NELL2: variants seen among roughly 807,000 people sequenced by gnomAD.
NELL2 encodes protein kinase C-binding protein NELL2.
Under a neutral mutation model 109.6 loss-of-function variants are expected in NELL2, and 41 were observed. That is an observed-to-expected ratio of 0.37 (90% CI 0.29 to 0.49). NELL2 has a LOEUF of 0.49. Among genes scored for constraint, NELL2 ranks in the 20% least tolerant of loss-of-function variants. The pLI, the probability that NELL2 is intolerant of heterozygous loss-of-function variation, is 0.98. For missense variants in NELL2, 900 were observed against 1,008.3 expected (o/e 0.89, Z 1.45); for synonymous variants, 355 against 344.7 (o/e 1.03, Z -0.33).
intron 9 of NELL2, among the ~76,000 whole-genome samples, chr12:44,726,493 C>T (rs1021206998): frequency 2.0e-5 from 3 of 152,100 alleles, no homozygotes; most frequent in Non-Finnish European, 2.9e-5. Context: ...GTTAATTAAC[C>T]CTCAGAACCA....
At chr12:44,649,297 AC>A (rs1231013146) in intron 13 of NELL2, among the ~76,000 whole-genome samples, 1 of 151,678 alleles carries the variant, frequency 6.6e-6, no homozygotes, top group Non-Finnish European at 1.5e-5. Flanking sequence ...TGTTTTGGAA[AC>A]ATCACCCACT....
At chr12:44,784,863 G>C (rs1402516649) in intron 3 of NELL2, among the ~76,000 whole-genome samples, 1 of 152,104 alleles carries the variant, frequency 6.6e-6, no homozygotes, top group Non-Finnish European at 1.5e-5. Context: ...AATAAACTAG[G>C]TATGGATGGA....
At chr12:44,791,809 A>G (rs1942444703) in intron 3 of NELL2, among the ~76,000 whole-genome samples, 1 of 152,122 alleles carries the variant, frequency 6.6e-6, no homozygotes, top group Non-Finnish European at 1.5e-5. Context: ...CCTAATGAAC[A>G]TTCAAGAGGA....
intron 12 of NELL2, among the ~76,000 whole-genome samples, chr12:44,702,474 A>T (rs1949259231): frequency 6.6e-6 from 1 of 152,218 alleles, no homozygotes; most frequent in South Asian, 2.1e-4. Context: ...AATTCAAAAC[A>T]AAGTATCACA....
intron 3 of NELL2, among the ~76,000 whole-genome samples, chr12:44,812,892 G>A (rs910421008): frequency 2.0e-5 from 3 of 152,146 alleles, no homozygotes; most frequent in African/African-American, 4.8e-5. Context: ...AGGTTCAGCA[G>A]GTGGGCTCTA....
intron 15 of NELL2, among the ~76,000 whole-genome samples, chr12:44,567,831 T>C (rs2136191336): frequency 6.6e-6 from 1 of 152,282 alleles, no homozygotes; most frequent in East Asian, 1.9e-4. Flanking sequence ...AATAATCTTG[T>C]ACATATTCCT....
At chr12:44,835,096 C>CA (rs960611438) in intron 2 of NELL2, among the ~76,000 whole-genome samples, 2 of 152,170 alleles carry the variant, frequency 1.3e-5, no homozygotes, top group Admixed American at 1.3e-4. Flanking sequence ...CCCATGGTAT[C>CA]AAAGCTGCTG....
At chr12:44,732,478 C>T (rs1015699813) in intron 9 of NELL2, among the ~76,000 whole-genome samples, 2 of 151,946 alleles carry the variant, frequency 1.3e-5, no homozygotes, top group African/African-American at 2.4e-5. Flanking sequence ...CTTCAACAAG[C>T]TGTGTTGGGA....
chr12:44,881,299 A>G (rs73281095), upstream of NELL2, among the ~76,000 whole-genome samples: 680 of 152,118 alleles, frequency 4.5e-3, 11 homozygotes, highest in African/African-American at 0.015. Context: ...ACCAATGCCA[A>G]GATGACACAG....
chr12:44,806,981 T>C (rs533416481), intron 3 of NELL2, among the ~76,000 whole-genome samples: 20 of 151,708 alleles, frequency 1.3e-4, no homozygotes, highest in Middle Eastern at 3.4e-3. Flanking sequence ...TACACTAAAA[T>C]AAGTTATAGA....
intron 15 of NELL2, among the ~76,000 whole-genome samples, chr12:44,546,957 T>A (rs1942819986): frequency 1.3e-5 from 2 of 152,216 alleles, no homozygotes; most frequent in South Asian, 4.1e-4. Context: ...ATTTTGTCTA[T>A]CTTTTGCATC....
intron 16 of NELL2, among the ~76,000 whole-genome samples, chr12:44,526,279 T>G (rs1448790489): frequency 6.6e-6 from 1 of 152,180 alleles, no homozygotes; most frequent in African/African-American, 2.4e-5. Flanking sequence ...AGGCAAAAGA[T>G]GATCATACAA....
chr12:44,726,171 A>T (rs1019263082), intron 9 of NELL2, among the ~76,000 whole-genome samples: 7 of 152,198 alleles, frequency 4.6e-5, no homozygotes, highest in Non-Finnish European at 1.0e-4. Context: ...ACAGTTATAA[A>T]CTAAGAAAGT....
intron 2 of NELL2, among the ~76,000 whole-genome samples, chr12:44,846,600 T>A (rs796851750): frequency 6.6e-6 from 1 of 152,210 alleles, no homozygotes. Context: ...CCAATTTTTC[T>A]TCCAAATTCT....
At chr12:44,821,885 T>TTTTTTTTA (rs1257242046) in intron 2 of NELL2, among the ~76,000 whole-genome samples, 3 of 141,236 alleles carry the variant, frequency 2.1e-5, no homozygotes, top group Non-Finnish European at 4.6e-5. Flanking sequence ...GCCCGGCTGG[T>TTTTTTTTA]TTTATTTATT....
intron 3 of NELL2, among the ~76,000 whole-genome samples, chr12:44,799,949 T>A (rs115366235): frequency 0.014 from 2,195 of 152,272 alleles, 52 homozygotes; most frequent in African/African-American, 0.05. Flanking sequence ...ACCATCTGTC[T>A]TAGATATTAG....
chr12:44,650,315 T>G (rs1360305475), intron 13 of NELL2, among the ~76,000 whole-genome samples: 1 of 134,576 alleles, frequency 7.4e-6, no homozygotes, highest in Non-Finnish European at 1.6e-5. Flanking sequence ...TTTTTTTTTT[T>G]GATACAGCTT....
chr12:44,815,768 G>A (rs538585146), intron 3 of NELL2: 42 of 393,534 alleles, frequency 1.1e-4, no homozygotes, highest in East Asian at 9.2e-4. Context: ...ACAGGCGCGC[G>A]CCACCAAGCC....
At chr12:44,532,253 C>T (rs150015911) in intron 16 of NELL2, among the ~76,000 whole-genome samples, 5 of 152,184 alleles carry the variant, frequency 3.3e-5, no homozygotes, top group South Asian at 2.1e-4. Flanking sequence ...TGTATTTTTG[C>T]TACCTGTTTT....
Sources: allele counts gnomAD v4.1 joint callset (sites outside exome capture counted in the v4.1 genomes callset), GRCh38; gene constraint gnomAD v4.1.1; transcripts MANE v1.5; gene names NCBI Gene and HGNC (gene_info 2026-07-23, HGNC 2026-07-21).